KCNN2: variants seen among roughly 807,000 people sequenced by gnomAD.
KCNN2 encodes potassium calcium-activated channel subfamily N member 2.
Under a neutral mutation model 55.5 loss-of-function variants are expected in KCNN2, and 24 were observed. The observed-to-expected ratio is 0.43, with a 90% CI of 0.31 to 0.61. KCNN2 has a LOEUF of 0.61. Ranked by LOEUF, KCNN2 falls within the 20% of genes least tolerant of loss-of-function variation. The pLI is 0.08. For missense variants in KCNN2, 754 were observed against 853.6 expected, an observed-to-expected ratio of 0.88 and a Z score of 1.45; for synonymous variants, 431 against 336.1, an observed-to-expected ratio of 1.28 and a Z score of -3.09.
chr5:114,454,319 G>A (rs372021707), intron 3 of KCNN2, among the ~76,000 whole-genome samples: 2 of 151,542 alleles, frequency 1.3e-5, no homozygotes, highest in Admixed American at 6.6e-5. Context: ...GTGTCTTTTC[G>A]ATAGAAATCA....
chr5:114,277,796 T>A (rs1755522494), intron 2 of KCNN2, among the ~76,000 whole-genome samples: 2 of 152,296 alleles, frequency 1.3e-5, no homozygotes, highest in African/African-American at 2.4e-5. Flanking sequence ...CTCCTTTAGC[T>A]TGGAGAAGTT....
At chr5:114,237,093 A>T (rs1754513290) in intron 2 of KCNN2, among the ~76,000 whole-genome samples, 1 of 152,118 alleles carries the variant, frequency 6.6e-6, no homozygotes, top group Middle Eastern at 3.2e-3. Context: ...TCTTGGGGAT[A>T]TATTTCTAAG....
intron 1 of KCNN2, among the ~76,000 whole-genome samples, chr5:114,143,337 A>G (rs1752327691): frequency 6.6e-6 from 1 of 152,182 alleles, no homozygotes; most frequent in South Asian, 2.1e-4. Context: ...TCTTTCCATA[A>G]CCTATGATTG....
chr5:114,302,301 C>A (rs976386662), intron 2 of KCNN2, among the ~76,000 whole-genome samples: 1 of 152,124 alleles, frequency 6.6e-6, no homozygotes, highest in East Asian at 1.9e-4. Flanking sequence ...ATATTTCTAC[C>A]GTGGCTAGCA....
chr5:114,133,375 T>C (rs779048377), intron 1 of KCNN2, among the ~76,000 whole-genome samples: 2 of 152,214 alleles, frequency 1.3e-5, no homozygotes, highest in African/African-American at 4.8e-5. Flanking sequence ...ATAATGATAA[T>C]AGTAGTTGTA....
At chr5:114,432,726 G>A (rs906113376) in intron 3 of KCNN2, among the ~76,000 whole-genome samples, 2 of 152,206 alleles carry the variant, frequency 1.3e-5, no homozygotes, top group Non-Finnish European at 2.9e-5. Context: ...GCACTTGTGG[G>A]CCAGCTGGAG....
chr5:114,252,467 A>G (rs1249614541), intron 2 of KCNN2, among the ~76,000 whole-genome samples: 1 of 152,114 alleles, frequency 6.6e-6, no homozygotes, highest in Non-Finnish European at 1.5e-5. Flanking sequence ...ATAGTTCTGC[A>G]TTTGTACAGA....
chr5:114,336,025 T>C (rs1756916836), intron 2 of KCNN2, among the ~76,000 whole-genome samples: 1 of 152,186 alleles, frequency 6.6e-6, no homozygotes, highest in South Asian at 2.1e-4. Context: ...ATGATGAAAG[T>C]GATTGAAAAT....
At chr5:114,298,610 C>G (rs6859935) in intron 2 of KCNN2, among the ~76,000 whole-genome samples, 4,643 of 152,166 alleles carry the variant, frequency 0.031, 231 homozygotes, top group African/African-American at 0.11. Flanking sequence ...CACAAATATT[C>G]TATAAGAAAT....
chr5:114,431,401 T>C lies in KCNN2; in HGVS notation c.1637+26545T>C, dbSNP rs142101599. On this transcript the variant is annotated intron_variant, in intron 3 of 7. Transcript: ENST00000673685. ...AATGTTGTTCATAATATTACTTTGC[T>C]ATCCTTTAAACCTTATGGAATCAGC... 2.0e-3 allele frequency among the ~76,000 whole-genome samples: 306 copies of C among 152,226 alleles called. 2 individuals are homozygous for C. The highest frequency in any genetic ancestry group is 3.7e-3 in the Admixed American group (57 of 15,304).
intron 2 of KCNN2, among the ~76,000 whole-genome samples, chr5:114,253,104 A>G (rs1561541654): frequency 6.8e-6 from 1 of 147,760 alleles, no homozygotes; most frequent in Non-Finnish European, 1.5e-5. Context: ...TTTTGCTCTT[A>G]GTAGAGGTTT....
intron 2 of KCNN2, among the ~76,000 whole-genome samples, chr5:114,320,259 T>G: frequency 6.6e-6 from 1 of 152,100 alleles, no homozygotes; most frequent in East Asian, 1.9e-4. Context: ...GACCTTTTTT[T>G]GGTTCTACAG....
intron 1 of KCNN2, among the ~76,000 whole-genome samples, chr5:114,114,450 G>T (rs1751673005): frequency 6.6e-6 from 1 of 151,792 alleles, no homozygotes; most frequent in Non-Finnish European, 1.5e-5. Context: ...TGTTGCCCAG[G>T]TTGGCTTTGA....
intron 1 of KCNN2, among the ~76,000 whole-genome samples, chr5:114,174,563 A>G (rs1031103739): frequency 1.3e-5 from 2 of 152,148 alleles, no homozygotes; most frequent in African/African-American, 2.4e-5. Flanking sequence ...GACTGGAAGA[A>G]TTTATTCTGT....
Position 114,210,441 on chromosome 5 carries a change from C to G in KCNN2, c.-270-11039C>G, listed in dbSNP as rs151042271. 4.8e-3 allele frequency among the ~76,000 whole-genome samples: 726 copies of G among 152,184 alleles called. 7 individuals carry two copies. Among genetic ancestry groups the G allele is most frequent in the Middle Eastern group, 0.01 (3 of 294 alleles). ...CTTCAGTAGTCACAAATTCAGTATT[C>G]ATGGAGAGTTTATGAAATATAGCTG... On this transcript the variant is annotated intron_variant, in intron 1 of 10. Coordinates refer to the KCNN2 transcript ENST00000512097.
chr5:114,335,786 G>A (rs1308199583), intron 2 of KCNN2, among the ~76,000 whole-genome samples: 1 of 152,128 alleles, frequency 6.6e-6, no homozygotes, highest in Non-Finnish European at 1.5e-5. Context: ...TAGTAAGAGT[G>A]GTTAGAAATA....
chr5:114,431,444 C>G (rs1759790702), intron 3 of KCNN2, among the ~76,000 whole-genome samples: 1 of 151,984 alleles, frequency 6.6e-6, no homozygotes, highest in Admixed American at 6.6e-5. Context: ...CCCCCTCTTT[C>G]ATTTCTGATG....
intron 1 of KCNN2, among the ~76,000 whole-genome samples, chr5:114,210,352 C>T (rs1393871587): frequency 6.6e-6 from 1 of 152,046 alleles, no homozygotes; most frequent in South Asian, 2.1e-4. Flanking sequence ...ATTGAGCTGT[C>T]AAGGAAAATG....
intron 3 of KCNN2, among the ~76,000 whole-genome samples, chr5:114,451,912 A>AG (rs367619037): frequency 3.4e-4 from 51 of 151,232 alleles, no homozygotes; most frequent in South Asian, 8.4e-4. Context: ...AAAAAAAAAA[A>AG]GAATCAAATG....
Sources: gnomAD v4.1 joint callset for allele counts (sites outside exome capture counted in the v4.1 genomes callset) on GRCh38, gnomAD v4.1.1 for gene constraint, MANE v1.5 for transcripts, NCBI Gene and HGNC (gene_info 2026-07-23, HGNC 2026-07-21) for gene names.